COL1A2: variants seen among roughly 807,000 people sequenced by gnomAD.
The protein encoded by COL1A2 is collagen alpha-2(I) chain.
COL1A2 carries 49 observed loss-of-function variants against 174.3 expected under a neutral mutation model. That is an observed-to-expected ratio of 0.28 (90% CI 0.22 to 0.36). The LOEUF is 0.36. COL1A2 is among the 10% of genes least tolerant of loss of function. COL1A2 has a pLI of 1.00. For synonymous variants in COL1A2, 655 were observed against 606.6 expected (o/e 1.08, Z -1.17); for missense variants, 1,438 against 1,822.7 (o/e 0.79, Z 3.84).
At chr7:94,419,920 A>G (rs1268180474) in intron 34 of COL1A2, among the ~76,000 whole-genome samples, 3 of 152,202 alleles carry the variant, frequency 2.0e-5, no homozygotes, top group Admixed American at 6.5e-5. Context: ...AATAGATCTT[A>G]TTTATTGTAT....
intron 6 of COL1A2, among the ~76,000 whole-genome samples, chr7:94,404,063 G>T (rs972269620): frequency 2.0e-5 from 3 of 152,120 alleles, no homozygotes; most frequent in African/African-American, 7.2e-5. Context: ...GGAGCGATAA[G>T]GTTATAACAA....
At chr7:94,396,778 G>A (rs1791593146) in intron 1 of COL1A2, among the ~76,000 whole-genome samples, 2 of 152,058 alleles carry the variant, frequency 1.3e-5, no homozygotes, top group Non-Finnish European at 2.9e-5. Context: ...GCTGGATGTG[G>A]TCCACCCTCC....
At chr7:94,405,300 A>T (rs1791773122) in intron 10 of COL1A2, 48 bp downstream of exon 10, 1 of 1,551,562 alleles carries the variant, frequency 6.4e-7, no homozygotes, top group African/African-American at 1.4e-5. Context: ...TAGGCCTATA[A>T]GATAGTTGCT....
intron 4 of COL1A2, 130 bp downstream of exon 4, chr7:94,399,214 T>C: frequency 1.3e-6 from 1 of 782,590 alleles, no homozygotes; most frequent in Non-Finnish European, 2.2e-6. Flanking sequence ...AAACAGGTAA[T>C]GCACTGCAGA....
chr7:94,417,535 G>A (rs55646337), intron 31 of COL1A2, 189 bp from the exon 32 acceptor site: 1 of 611,456 alleles, frequency 1.6e-6, no homozygotes, highest in Non-Finnish European at 3.0e-6. Flanking sequence ...CATCTCTTCA[G>A]TCACCATGTC....
rs1418160996 is a variant in COL1A2, at chr7:94,429,134, C to G, written c.3712-54C>G. 17 of 1,050,384 alleles carry G rather than the reference C, an allele frequency of 1.6e-5. No individual in the cohort carries two copies. The African/African-American group carries it at 1.8e-4, about 11-fold the overall frequency. 65.1% of individuals were successfully genotyped at this position (1,050,384 alleles called of 1,614,324 possible). A position where few individuals can be genotyped will look rare whatever the true frequency, so the allele number is the denominator to read the frequency against. ...TTTTTTTTTTTTTTCATGTTTGACT[C>G]TTAGTATCTGAGTCCTTCTCCACTT... is the stretch of plus-strand genomic sequence containing the variant. On this transcript the variant is annotated intron_variant, in intron 50 of 51. Transcript: ENST00000297268.
At chr7:94,421,101 T>C (rs1278121407) in intron 38 of COL1A2, 39 bp downstream of exon 38, 2 of 1,606,780 alleles carry the variant, frequency 1.2e-6, no homozygotes, top group Non-Finnish European at 1.7e-6. Flanking sequence ...TTTTCTTTTT[T>C]CAGAATCTAT....
At chr7:94,417,052 G>T (rs892094231) in intron 31 of COL1A2, among the ~76,000 whole-genome samples, 14 of 151,984 alleles carry the variant, frequency 9.2e-5, no homozygotes, top group African/African-American at 3.4e-4. Flanking sequence ...ACAATAAAAA[G>T]AAGACAACAC....
At chr7:94,417,551 C>G in intron 31 of COL1A2, 173 bp from the exon 32 acceptor site, 1 of 637,942 alleles carries the variant, frequency 1.6e-6, no homozygotes, top group Admixed American at 2.1e-5. Flanking sequence ...ATGTCATTAA[C>G]AGCATCTCTC....
intron 5 of COL1A2, among the ~76,000 whole-genome samples, chr7:94,401,106 C>T: frequency 6.6e-6 from 1 of 152,148 alleles, no homozygotes; most frequent in East Asian, 1.9e-4. Flanking sequence ...TCTTTATGCC[C>T]TTCCTGAAAC....
At position 94,427,878 on chromosome 7, in the gene COL1A2, G is replaced by T; in HGVS notation, c.3519G>T (p.Trp1173Cys). 5.0e-6 allele frequency: 8 copies of T among 1,614,052 alleles called. No homozygotes were observed. The highest frequency in any genetic ancestry group is 5.9e-6 in the Non-Finnish European group (7 of 1,180,002). The change falls in exon 49 of 52, where the codon TGG (tryptophan) becomes TGT (cysteine). Residue 1173 changes from tryptophan to cysteine, a missense_variant. Coordinates refer to ENST00000297268, the MANE Select transcript of COL1A2 (RefSeq NM_000089.4). Reference sequence around the variant, plus strand: ...ACTTGAGACTCAGCCACCCAGAGTGGAGCAGTGGTAGGTCAAGATGTCCAG... The same window carrying T: ...ACTTGAGACTCAGCCACCCAGAGTGTAGCAGTGGTAGGTCAAGATGTCCAG... ...CRDLRLSHPEWSSGYYWIDPN... is the reference protein window; with the variant it reads ...CRDLRLSHPECSSGYYWIDPN...
At chr7:94,412,864 A>T (rs1791957431) in intron 25 of COL1A2, among the ~76,000 whole-genome samples, 182 bp downstream of exon 25, 1 of 152,140 alleles carries the variant, frequency 6.6e-6, no homozygotes, top group Non-Finnish European at 1.5e-5. Flanking sequence ...CCCTGCTAAA[A>T]ATCCATCTCC....
rs144837722 is a variant in COL1A2, at chr7:94,421,026, C to T, written c.2313C>T (p.Pro771=). The T allele has an allele frequency of 3.5e-5, 56 of 1,613,946 alleles. No homozygotes were observed. The highest frequency in any genetic ancestry group is 6.7e-5 in the East Asian group (3 of 44,884). Residue 771 remains proline (P), a synonymous_variant, in exon 38 of 52, where the codon CCC becomes CCT. Transcript: ENST00000297268. ...GCATTTAGGGTCCAAATGGTCCCCC[C>T]GGTCCTGCTGGAAGTCGTGGTGATG... ...AAGPAGPNGP[P]GPAGSRGDGG...
chr7:94,400,209 C>A lies in COL1A2; in HGVS notation c.146C>A (p.Pro49His), dbSNP rs764064979. The stretch of plus-strand genomic sequence containing the variant: ...TTTACATAACAGGGTCCACCAGGCC[C>A]CCCAGGCAGAGATGGTGAAGATGGT... ...GPRGERGPPG[P>H]PGRDGEDGPT... The change falls in exon 5 of 52, where the codon CCC (proline) becomes CAC (histidine). Residue 49 changes from proline to histidine, a missense_variant. Pro to His is a moderately conservative substitution (Grantham distance 77). Around this residue, in one of 3 missense-constraint regions of COL1A2, gnomAD observed 281 missense variants for 310.9 expected, o/e 0.90. Transcript: ENST00000297268. The A allele has an allele frequency of 1.9e-6, 3 of 1,613,368 alleles. No homozygotes were observed. Among genetic ancestry groups the A allele is most frequent in the Admixed American group, 3.3e-5 (2 of 59,850 alleles).
intron 24 of COL1A2, 136 bp downstream of exon 24, chr7:94,412,257 A>C (rs1339042262): frequency 1.2e-6 from 1 of 813,008 alleles, no homozygotes; most frequent in African/African-American, 1.7e-5. Context: ...AATGCAGAGT[A>C]ATAGATTGTA....
intron 6 of COL1A2, among the ~76,000 whole-genome samples, chr7:94,403,364 G>C (rs529306726): frequency 2.0e-5 from 3 of 152,256 alleles, no homozygotes; most frequent in African/African-American, 7.2e-5. Flanking sequence ...TAATTTCCAT[G>C]TTGGAAAATC....
At chr7:94,417,613 G>A in intron 31 of COL1A2, 111 bp from the exon 32 acceptor site, 1 of 888,860 alleles carries the variant, frequency 1.1e-6, no homozygotes. Flanking sequence ...GTGTTTCAAA[G>A]CAGGCAAGAA....
At chr7:94,412,176 C>A in intron 24 of COL1A2, 55 bp downstream of exon 24, 3 of 1,467,140 alleles carry the variant, frequency 2.0e-6, no homozygotes, top group Non-Finnish European at 2.9e-6. Flanking sequence ...GCACCCTTAT[C>A]AAGTCTATTT....
chr7:94,406,814 T>C (rs1009859602), intron 12 of COL1A2, among the ~76,000 whole-genome samples: 4 of 152,216 alleles, frequency 2.6e-5, no homozygotes, highest in African/African-American at 9.7e-5. Context: ...TAGGCTCTTC[T>C]CTGACAGCGT....
Sources: allele counts gnomAD v4.1 joint callset (sites outside exome capture counted in the v4.1 genomes callset), GRCh38; gene constraint gnomAD v4.1.1; regional missense constraint gnomAD v4.1.1; transcripts MANE v1.5; gene names NCBI Gene and HGNC (gene_info 2026-07-23, HGNC 2026-07-21).